The following CADM3 variants were observed in gnomAD, a reference collection of about 807,000 sequenced individuals.
The protein encoded by CADM3 is TSLC1-like 1.
In CADM3, 11 loss-of-function variants were observed where a neutral mutation model predicts 44.9. That is an observed-to-expected ratio of 0.25 (90% CI 0.15 to 0.41). CADM3 has a LOEUF of 0.41. CADM3 is among the 10% of genes least tolerant of loss of function. The pLI is 1.00. For synonymous variants in CADM3, 207 were observed against 205.2 expected, an observed-to-expected ratio of 1.01 and a Z score of -0.08; for missense variants, 426 against 512.0, an observed-to-expected ratio of 0.83 and a Z score of 1.62.
At chr1:159,183,625 G>T (rs1443566165) in intron 1 of CADM3, among the ~76,000 whole-genome samples, 1 of 152,134 alleles carries the variant, frequency 6.6e-6, no homozygotes, top group Non-Finnish European at 1.5e-5. Flanking sequence ...TTAGGAGACT[G>T]CTGCTTGTGA....
rs1413017096 is a variant in CADM3 at position 159,202,643 on chromosome 1, C to T, written c.*1721C>T. On this transcript the variant is annotated 3_prime_UTR_variant, in exon 9 of 9. Transcript: ENST00000368125. Reference sequence around the variant, plus strand: ...TGGCTGGACTGCCCCGCCTCAGATCCAGGATGCCCTTGGCATCGCTCCCAC... The same window carrying T: ...TGGCTGGACTGCCCCGCCTCAGATCTAGGATGCCCTTGGCATCGCTCCCAC... The T allele has an allele frequency of 6.6e-6, 1 of 152,278 alleles. No homozygotes were observed. Among genetic ancestry groups the T allele is most frequent in the Non-Finnish European group, 1.5e-5 (1 of 68,106 alleles). 9.4% of individuals were successfully genotyped at this position (152,278 alleles called of 1,614,324 possible). A position where few individuals can be genotyped will look rare whatever the true frequency, so the allele number is the denominator to read the frequency against.
intron 4 of CADM3, 144 bp from the exon 5 acceptor site, chr1:159,193,726 C>G (rs779081331): frequency 3.5e-6 from 5 of 1,416,400 alleles, no homozygotes; most frequent in Non-Finnish European, 4.9e-6. Context: ...CCTACATTCT[C>G]CCTGCCACAA....
chr1:159,190,175 A>G (rs745912858), intron 1 of CADM3, among the ~76,000 whole-genome samples: 8 of 152,202 alleles, frequency 5.3e-5, no homozygotes, highest in Non-Finnish European at 8.8e-5. Context: ...ACAATCAGGT[A>G]GAATTCTTCA....
At chr1:159,173,353 C>T (rs1648895695) in intron 1 of CADM3, among the ~76,000 whole-genome samples, 1 of 152,104 alleles carries the variant, frequency 6.6e-6, no homozygotes, top group Non-Finnish European at 1.5e-5. Flanking sequence ...CCTCCCCCAT[C>T]CCTGTCTCCA....
chr1:159,183,104 C>T (rs1480925027), intron 1 of CADM3, among the ~76,000 whole-genome samples: 1 of 152,206 alleles, frequency 6.6e-6, no homozygotes, highest in Non-Finnish European at 1.5e-5. Context: ...CAAAAGATGT[C>T]TGCCAAGGTG....
Position 159,171,853 on chromosome 1 carries a change from G to T in CADM3, c.88G>T (p.Asp30Tyr), listed in dbSNP as rs780213010. Residue 30 changes from aspartate to tyrosine, a missense_variant and splice_region_variant, in exon 1 of 9, where the codon GAC becomes TAC. By Grantham distance (160) the Asp-to-Tyr change is radical (BLOSUM62 -3). This residue lies in a region of CADM3 where 64 missense variants were observed against 37.4 expected (regional missense o/e 1.71). Transcript: ENST00000368125. ...CGGCGGGGCCAACCTCTCCCAGGAC[G>T]GTGAGTGAGGGAGGGGGCGGCGCCT... The part of the protein sequence containing the change: ...APGGANLSQD[D>Y]SQPWTSDETV... 9.7e-6 allele frequency: 12 copies of T among 1,241,248 alleles called. No individual in the cohort carries two copies. The highest frequency in any genetic ancestry group is 9.1e-6 in the Non-Finnish European group (9 of 990,858). The allele number at this position is 1,241,248 out of a possible 1,614,324, so 76.9% of individuals were successfully genotyped here.
At chr1:159,194,261 C>T in intron 5 of CADM3, 1 of 478,490 alleles carries the variant, frequency 2.1e-6, no homozygotes, top group Non-Finnish European at 3.7e-6. Context: ...TCTGTGTCAA[C>T]TACTTAATTC....
intron 1 of CADM3, among the ~76,000 whole-genome samples, chr1:159,187,872 T>C (rs1317677327): frequency 6.6e-6 from 1 of 152,066 alleles, no homozygotes; most frequent in Non-Finnish European, 1.5e-5. Flanking sequence ...TGTGGGGCAC[T>C]CAGGGAGAGC....
intron 1 of CADM3, among the ~76,000 whole-genome samples, chr1:159,176,937 A>AT (rs1343877621): frequency 1.3e-5 from 2 of 152,204 alleles, no homozygotes; most frequent in Non-Finnish European, 2.9e-5. Flanking sequence ...AAGAGGCATG[A>AT]TTCCATACCT....
In CADM3 at chr1:159,176,875, A is replaced by T. The variant is rs192681838; in HGVS notation, c.88+5022A>T. ...TTCCTAAGCCTTAAGGCCGTCATCA[A>T]ATTCCTCAACTAACAGAGAAACTTC... On this transcript the variant is annotated intron_variant, in intron 1 of 8. Transcript: ENST00000368125. Among the ~76,000 whole-genome samples the T allele has an allele frequency of 5.9e-5, 9 of 152,122 alleles. No homozygotes were observed. In the East Asian group the frequency reaches 1.7e-3, roughly 29 times the overall value.
intron 8 of CADM3, among the ~76,000 whole-genome samples, chr1:159,200,415 A>G (rs2102140880): frequency 6.6e-6 from 1 of 152,280 alleles, no homozygotes. Flanking sequence ...GGTCATACAT[A>G]AGCCAGATCT....
At chr1:159,182,049 C>CACAG (rs1160821428) in intron 1 of CADM3, among the ~76,000 whole-genome samples, 84 of 148,380 alleles carry the variant, frequency 5.7e-4, no homozygotes, top group Middle Eastern at 3.6e-3. Context: ...CCAGCAAGCA[C>CACAG]ACAGACAGAC....
At chr1:159,189,827 A>G (rs1173441413) in intron 1 of CADM3, 2 of 1,607,578 alleles carry the variant, frequency 1.2e-6, no homozygotes, top group East Asian at 2.2e-5. Context: ...CGACGAGGCC[A>G]TCAGCTCCAC....
rs766628594 is a variant in CADM3, at chr1:159,182,080, ACACACACG to A, written c.89-9848_89-9841del. ...CAGACACACACACACACACACACACACACACACGCACACACACATGCCACCTGTCCTCA... is the reference window on the plus strand; with the variant it reads ...CAGACACACACACACACACACACACACACACACACATGCCACCTGTCCTCA... On this transcript the variant is annotated intron_variant, in intron 1 of 8. Coordinates refer to ENST00000368125, the MANE Select transcript of CADM3 (RefSeq NM_001127173.3). Among the ~76,000 whole-genome samples, 27 of 144,430 alleles carry A rather than the reference ACACACACG, an allele frequency of 1.9e-4. 1 individual carries two copies. The Middle Eastern group carries it at 0.011, about 57-fold the overall frequency. 94.8% of individuals were successfully genotyped at this position (144,430 alleles called of 152,430 possible). A position where few individuals can be genotyped will look rare whatever the true frequency, so the allele number is the denominator to read the frequency against.
chr1:159,192,759 C>A, intron 3 of CADM3, 29 bp downstream of exon 3: 2 of 1,594,494 alleles, frequency 1.3e-6, no homozygotes, highest in Non-Finnish European at 1.7e-6. Context: ...AGTGTCTCTA[C>A]AGCATGCTTC....
rs1376425290 is a variant in CADM3 at position 159,201,662 on chromosome 1, G to A, written c.*740G>A. The A allele has an allele frequency of 6.6e-6, 1 of 152,298 alleles. No homozygotes were observed. Among genetic ancestry groups the A allele is most frequent in the Non-Finnish European group, 1.5e-5 (1 of 68,120 alleles). 9.4% of individuals were successfully genotyped at this position (152,298 alleles called of 1,614,324 possible). A position where few individuals can be genotyped will look rare whatever the true frequency, so the allele number is the denominator to read the frequency against. On this transcript the variant is annotated 3_prime_UTR_variant, in exon 9 of 9. Transcript: ENST00000368125. ...GATTTGGAGAGGAAGGATGGAGGTG[G>A]ACTCTCACCCCATTCCCCCCGGAAA...
At position 159,200,849 on chromosome 1, in the gene CADM3, ACGCG is replaced by A; in HGVS notation, c.1125_1128del (p.Asp375GlufsTer129). 1 of 1,611,070 alleles carries A rather than the reference ACGCG, an allele frequency of 6.2e-7. No individual in the cohort carries two copies. The highest frequency in any genetic ancestry group is 1.7e-5 in the Admixed American group (1 of 59,692). ...GCAAAAGGCTCCGACGATGCTCCAG[ACGCG>A]GACACGGCCATCATCAATGCAGAAG... On this transcript the variant is annotated frameshift_variant, in exon 9 of 9. Coordinates refer to ENST00000368125, the MANE Select transcript of CADM3 (RefSeq NM_001127173.3). LOFTEE classifies it high-confidence loss of function.
In CADM3 at chr1:159,193,472, A is replaced by G. The variant is rs769220167; in HGVS notation, c.432A>G (p.Glu144=). 2 of 1,612,812 alleles carry G rather than the reference A, an allele frequency of 1.2e-6. No individual in the cohort carries two copies. The highest frequency in any genetic ancestry group is 1.7e-6 in the Non-Finnish European group (2 of 1,178,934). ...IITGYKSSLR[E]KDTATLNCQS... is the part of the protein sequence containing the mutation. ...CTGGTTATAAATCTTCATTACGGGA[A>G]AAAGACACAGCCACCCTAAACTGTC... The change falls in exon 4 of 9, where the codon GAA becomes GAG. Residue 144 remains glutamate (E), a synonymous_variant. Coordinates refer to ENST00000368125, the MANE Select transcript of CADM3 (RefSeq NM_001127173.3).
At chr1:159,192,816 C>A in intron 3 of CADM3, 86 bp downstream of exon 3, 2 of 1,392,250 alleles carry the variant, frequency 1.4e-6, no homozygotes, top group African/African-American at 1.5e-5. Context: ...AGCTGGGAGC[C>A]AGGCAAGTCT....
Sources: allele counts gnomAD v4.1 joint callset (sites outside exome capture counted in the v4.1 genomes callset), GRCh38; gene constraint gnomAD v4.1.1; regional missense constraint gnomAD v4.1.1; transcripts MANE v1.5; gene names NCBI Gene and HGNC (gene_info 2026-07-23, HGNC 2026-07-21).